The following ASCC1 variants were observed in gnomAD, a reference collection of about 807,000 sequenced individuals.
ASCC1 encodes activating signal cointegrator 1 complex subunit 1, also known as ASC-1 complex subunit P50.
Under a neutral mutation model 46.6 loss-of-function variants are expected in ASCC1, and 35 were observed. The ratio of observed to expected loss-of-function variants is 0.75; its 90% confidence interval spans 0.57 to 0.99. The LOEUF is 0.99. ASCC1 is among the 50% of genes least tolerant of loss of function. ASCC1 has a pLI of 0.00. For missense variants in ASCC1, 376 were observed against 428.7 expected (o/e 0.88, Z 1.09); for synonymous variants, 143 against 146.6 (o/e 0.98, Z 0.18).
intron 5 of ASCC1, among the ~76,000 whole-genome samples, chr10:72,167,832 C>G (rs1850561222): frequency 6.6e-6 from 1 of 151,886 alleles, no homozygotes. Context: ...GAAATGGGGT[C>G]TCATTATGTT....
At chr10:72,165,123 T>C (rs2132737814) in intron 5 of ASCC1, among the ~76,000 whole-genome samples, 1 of 151,738 alleles carries the variant, frequency 6.6e-6, no homozygotes, top group East Asian at 1.9e-4. Flanking sequence ...ACTCTTTTTC[T>C]TTTTTTTTGA....
intron 6 of ASCC1, among the ~76,000 whole-genome samples, chr10:72,155,703 A>C (rs1036777917): frequency 1.3e-5 from 2 of 152,192 alleles, no homozygotes; most frequent in Non-Finnish European, 2.9e-5. Flanking sequence ...CTTTGTGTTA[A>C]GTAAAACCCC....
chr10:72,195,321 T>A (rs561807313), intron 5 of ASCC1, among the ~76,000 whole-genome samples: 1 of 151,724 alleles, frequency 6.6e-6, no homozygotes, highest in East Asian at 1.9e-4. Context: ...AATTTTTGTA[T>A]TTTTTGTAGA....
chr10:72,128,753 CTTAAG>C lies in ASCC1; in HGVS notation c.872-591_872-587del, dbSNP rs1004072853. On this transcript the variant is annotated intron_variant, in intron 8 of 9. Transcript: ENST00000672957. ...CCTAAACCAAGCTGTGCTCTAGCTTCTTAAGTTAATTTGGGTTGCATATCTCAAAA... is the reference window on the plus strand; with the variant it reads ...CCTAAACCAAGCTGTGCTCTAGCTTCTTAATTTGGGTTGCATATCTCAAAA... Among the ~76,000 whole-genome samples the C allele has an allele frequency of 2.7e-4, 41 of 152,202 alleles. 1 individual carries two copies. In the South Asian group the frequency reaches 2.7e-3, roughly 10 times the overall value.
chr10:72,209,038 A>G (rs1341284304), intron 3 of ASCC1, among the ~76,000 whole-genome samples: 1 of 151,234 alleles, frequency 6.6e-6, no homozygotes, highest in Admixed American at 6.6e-5. Flanking sequence ...GGTGGCACAC[A>G]CCTGTAGTCC....
rs78949961 is a variant in ASCC1 at position 72,118,779 on chromosome 10, C to CA, written c.957+9302dup. On this transcript the variant is annotated intron_variant, in intron 9 of 9. Coordinates refer to ENST00000672957, the MANE Select transcript of ASCC1 (RefSeq NM_001198800.3). The stretch of plus-strand genomic sequence containing the variant: ...GGGCAACAAGAATGAAACTCCGTCT[C>CA]AAAAAAAAAAGAAAAAAAAGAAAAA... 1.8e-3 allele frequency among the ~76,000 whole-genome samples: 245 copies of CA among 137,492 alleles called. 1 individual carries two copies. Among genetic ancestry groups the CA allele is most frequent in the Admixed American group, 4.9e-3 (67 of 13,634 alleles). The allele number at this position is 137,492 out of a possible 152,430, so 90.2% of individuals were successfully genotyped here.
chr10:72,172,522 C>A (rs1292650138), intron 5 of ASCC1, among the ~76,000 whole-genome samples: 1 of 112,902 alleles, frequency 8.9e-6, no homozygotes, highest in South Asian at 3.0e-4. Flanking sequence ...TTTTCTTTTT[C>A]TTTTGTAGAA....
At chr10:72,114,815 C>T (rs1843323049) in intron 9 of ASCC1, among the ~76,000 whole-genome samples, 1 of 151,988 alleles carries the variant, frequency 6.6e-6, no homozygotes, top group South Asian at 2.1e-4. Context: ...AAAAACTAAA[C>T]TCTAACCTCT....
intron 5 of ASCC1, among the ~76,000 whole-genome samples, chr10:72,167,771 G>A (rs1452700389): frequency 3.3e-5 from 5 of 151,826 alleles, no homozygotes; most frequent in African/African-American, 7.3e-5. Context: ...CTGTGGCTGG[G>A]ACTACAAGCT....
chr10:72,113,724 C>T (rs1021164315), intron 9 of ASCC1, among the ~76,000 whole-genome samples: 22 of 152,162 alleles, frequency 1.4e-4, no homozygotes, highest in African/African-American at 5.3e-4. Flanking sequence ...TAAGGAACTG[C>T]CCAATCACCT....
upstream of ASCC1, chr10:72,217,127 G>A (rs374415377): frequency 9.0e-6 from 4 of 444,350 alleles, no homozygotes; most frequent in South Asian, 4.7e-5. Flanking sequence ...GGCATTGAGG[G>A]TAGAAAGACT....
intron 7 of ASCC1, among the ~76,000 whole-genome samples, chr10:72,148,897 G>A (rs1446511340): frequency 5.3e-5 from 8 of 151,896 alleles, no homozygotes; most frequent in Non-Finnish European, 1.2e-4. Context: ...AGTAGTATGA[G>A]ATATCCACAA....
chr10:72,211,704 T>C (rs1046248112), intron 2 of ASCC1, among the ~76,000 whole-genome samples: 3 of 151,674 alleles, frequency 2.0e-5, no homozygotes, highest in African/African-American at 4.9e-5. Context: ...GCACCTGTAG[T>C]CCCAGCTACT....
At position 72,152,986 on chromosome 10, in the gene ASCC1, T is replaced by C. The variant is rs779309080; in HGVS notation, c.629A>G (p.Asp210Gly). ...TTCTAGGGGTTTACCCCCAGAAATA[T>C]CACTGCAAAGGAAAAAGCATTAAGA... The part of the protein sequence containing the change: ...LQQCKEEFIN[D>G]ISGGKPLEVE... Residue 210 changes from aspartate to glycine, a missense_variant and splice_region_variant, in exon 7 of 10, where the codon GAT (aspartate) becomes GGT (glycine). Coordinates refer to ENST00000672957, the MANE Select transcript of ASCC1 (RefSeq NM_001198800.3). 1.9e-6 allele frequency: 3 copies of C among 1,614,114 alleles called. No individual in the cohort carries two copies. The highest frequency in any genetic ancestry group is 2.5e-6 in the Non-Finnish European group (3 of 1,179,988).
intron 5 of ASCC1, among the ~76,000 whole-genome samples, chr10:72,170,118 C>T (rs2132822898): frequency 6.7e-6 from 1 of 148,996 alleles, no homozygotes; most frequent in East Asian, 2.0e-4. Context: ...GAAACTCCGT[C>T]TCAAAGAAAA....
At chr10:72,163,238 T>A (rs1849917125) in intron 5 of ASCC1, among the ~76,000 whole-genome samples, 2 of 152,130 alleles carry the variant, frequency 1.3e-5, no homozygotes, top group Middle Eastern at 3.4e-3. Flanking sequence ...AACATAGAAT[T>A]ACCACATGAC....
At chr10:72,202,718 G>A (rs528521362) in intron 4 of ASCC1, among the ~76,000 whole-genome samples, 33 of 151,926 alleles carry the variant, frequency 2.2e-4, no homozygotes, top group African/African-American at 7.0e-4. Context: ...CAAAATCAAG[G>A]GTAAAAAATT....
chr10:72,155,104 A>G (rs145033110), intron 6 of ASCC1, among the ~76,000 whole-genome samples: 65 of 152,282 alleles, frequency 4.3e-4, no homozygotes, highest in African/African-American at 1.4e-3. Context: ...TATGTTATAT[A>G]TATTTGTTCA....
At chr10:72,163,854 C>G (rs181323449) in intron 5 of ASCC1, among the ~76,000 whole-genome samples, 1 of 152,056 alleles carries the variant, frequency 6.6e-6, no homozygotes, top group East Asian at 1.9e-4. Context: ...TACAATACAG[C>G]AGTATTTATA....
Sources: allele counts gnomAD v4.1 joint callset (sites outside exome capture counted in the v4.1 genomes callset), GRCh38; gene constraint gnomAD v4.1.1; transcripts MANE v1.5; gene names NCBI Gene and HGNC (gene_info 2026-07-23, HGNC 2026-07-21).